Variants in CCDC146 observed in about 807,000 individuals in gnomAD.
CCDC146 encodes coiled-coil domain-containing protein 146.
A neutral mutation model predicts 119.3 loss-of-function variants in CCDC146; 92 were observed. The observed-to-expected ratio is 0.77, with a 90% CI of 0.65 to 0.92. CCDC146 has a LOEUF of 0.92. Ranked by LOEUF, CCDC146 falls within the 40% of genes least tolerant of loss-of-function variation. The pLI, the probability that CCDC146 is intolerant of heterozygous loss-of-function variation, is 0.00. For synonymous variants in CCDC146, 372 were observed against 371.8 expected (o/e 1.00, Z -0.01); for missense variants, 1,000 against 1,103.0 (o/e 0.91, Z 1.32).
At chr7:77,261,546 C>T (rs1023531583) in intron 8 of CCDC146, among the ~76,000 whole-genome samples, 5 of 152,284 alleles carry the variant, frequency 3.3e-5, no homozygotes, top group African/African-American at 9.6e-5. Flanking sequence ...GGCGCAATCT[C>T]GGCTCACTGC....
intron 2 of CCDC146, among the ~76,000 whole-genome samples, chr7:77,179,650 A>G (rs1320483569): frequency 6.6e-6 from 1 of 152,166 alleles, no homozygotes; most frequent in Non-Finnish European, 1.5e-5. Context: ...ATACTGGAGT[A>G]GTCATCTTAA....
At chr7:77,230,038 A>G (rs1792594081) in intron 2 of CCDC146, among the ~76,000 whole-genome samples, 1 of 152,246 alleles carries the variant, frequency 6.6e-6, no homozygotes. Context: ...ATATAAATGA[A>G]TAACATAATA....
chr7:77,134,573 G>C (rs531235392), intron 1 of CCDC146, among the ~76,000 whole-genome samples: 5,196 of 148,416 alleles, frequency 0.035, 310 homozygotes, highest in African/African-American at 0.13. Flanking sequence ...CTGTGTGTGT[G>C]TGTGTGTGTG....
intron 14 of CCDC146, among the ~76,000 whole-genome samples, chr7:77,281,635 T>C (rs1279416600): frequency 6.6e-6 from 1 of 152,190 alleles, no homozygotes; most frequent in Non-Finnish European, 1.5e-5. Flanking sequence ...CAAGAGAACT[T>C]GATCTTGAGC....
At chr7:77,168,296 A>G (rs1476435704) in intron 2 of CCDC146, among the ~76,000 whole-genome samples, 2 of 152,028 alleles carry the variant, frequency 1.3e-5, no homozygotes, top group Admixed American at 1.3e-4. Flanking sequence ...ATATATTCTC[A>G]TTATGTGAAC....
At chr7:77,210,010 C>T (rs1792152889) in intron 2 of CCDC146, among the ~76,000 whole-genome samples, 1 of 152,170 alleles carries the variant, frequency 6.6e-6, no homozygotes, top group Non-Finnish European at 1.5e-5. Flanking sequence ...CTGTAAAATG[C>T]CCTTGGAGAC....
intron 9 of CCDC146, 21 bp downstream of exon 9, chr7:77,262,328 T>A (rs1360849382): frequency 3.3e-6 from 5 of 1,508,888 alleles, no homozygotes; most frequent in Non-Finnish European, 4.4e-6. Flanking sequence ...TAAACTACCA[T>A]CTGATTTTTA....
At position 77,236,995 on chromosome 7, in the gene CCDC146, GC is replaced by G; in HGVS notation, c.207del (p.Lys70SerfsTer9). 6.2e-7 allele frequency: 1 copy of G among 1,614,154 alleles called. No individual in the cohort carries two copies. On this transcript the variant is annotated frameshift_variant, in exon 3 of 19. Coordinates refer to ENST00000285871, the MANE Select transcript of CCDC146 (RefSeq NM_020879.3). LOFTEE classifies it high-confidence loss of function. ...TGGAACCAGAATGGCAGCGTTAAAAGCCAAGTATACCTTGCTGCATGACGCC... is the reference window on the plus strand; with the variant it reads ...TGGAACCAGAATGGCAGCGTTAAAAGCAAGTATACCTTGCTGCATGACGCC... ...LPGTRMAALK[A>X]KYTLLHDAVM... is the part of the protein sequence containing the mutation.
intron 4 of CCDC146, among the ~76,000 whole-genome samples, chr7:77,246,741 C>G (rs1025329644): frequency 1.3e-5 from 2 of 152,106 alleles, no homozygotes; most frequent in African/African-American, 4.8e-5. Context: ...GTTACTGAAC[C>G]TCTGTAGTCA....
intron 2 of CCDC146, among the ~76,000 whole-genome samples, chr7:77,202,702 T>C (rs1792014694): frequency 6.6e-6 from 1 of 152,178 alleles, no homozygotes. Flanking sequence ...AATGAGTGTA[T>C]AACTCATGGA....
At chr7:77,183,581 G>T (rs1366045072) in intron 2 of CCDC146, among the ~76,000 whole-genome samples, 1 of 152,086 alleles carries the variant, frequency 6.6e-6, no homozygotes, top group Non-Finnish European at 1.5e-5. Flanking sequence ...CTGCACCCAG[G>T]CCAGGAGTGC....
At chr7:77,182,667 G>A (rs1021412017) in intron 2 of CCDC146, among the ~76,000 whole-genome samples, 10 of 152,072 alleles carry the variant, frequency 6.6e-5, no homozygotes, top group East Asian at 1.9e-4. Flanking sequence ...GCACGATGGT[G>A]CACGCCTGTA....
Position 77,227,909 on chromosome 7 carries a change from A to G in CCDC146, c.157-9038A>G, listed in dbSNP as rs1792545771. Among the ~76,000 whole-genome samples the G allele has an allele frequency of 2.6e-5, 4 of 152,226 alleles. No homozygotes were observed. In the South Asian group the frequency reaches 6.2e-4, roughly 24 times the overall value. On this transcript the variant is annotated intron_variant, in intron 2 of 18. Transcript: ENST00000285871. Reference sequence around the variant, plus strand: ...CCAGAGCACATCATTTTAACATCTTAGTTCTTATCCTTCTGGATCTCTATA... The same window carrying G: ...CCAGAGCACATCATTTTAACATCTTGGTTCTTATCCTTCTGGATCTCTATA...
intron 9 of CCDC146, among the ~76,000 whole-genome samples, chr7:77,271,774 C>T (rs1793527588): frequency 6.6e-6 from 1 of 151,406 alleles, no homozygotes; most frequent in Admixed American, 6.6e-5. Context: ...AGCCAGAGTT[C>T]AAAAATGAAT....
At chr7:77,159,473 C>T (rs4729186) in intron 1 of CCDC146, among the ~76,000 whole-genome samples, 60,416 of 151,272 alleles carry the variant, frequency 0.4, 12,634 homozygotes, top group African/African-American at 0.52. Context: ...AATTTCCTTT[C>T]CTGTGGCTGT....
At chr7:77,213,958 A>G (rs910873168) in intron 2 of CCDC146, among the ~76,000 whole-genome samples, 3 of 152,084 alleles carry the variant, frequency 2.0e-5, no homozygotes, top group African/African-American at 4.8e-5. Context: ...TGATAGAATG[A>G]TTTCTTTTCC....
Position 77,131,053 on chromosome 7 carries a change from G to C in CCDC146, c.-12+8321G>C, listed in dbSNP as rs150928544. ...AATACTGGCGCATGCCACCACACCTGGCCAATTTTTATAAAGACGGGGTTT... is the reference window on the plus strand; with the variant it reads ...AATACTGGCGCATGCCACCACACCTCGCCAATTTTTATAAAGACGGGGTTT... On this transcript the variant is annotated intron_variant, in intron 1 of 18. Transcript: ENST00000285871. Among the ~76,000 whole-genome samples, 654 of 151,630 alleles carry C rather than the reference G, an allele frequency of 4.3e-3. 11 individuals are homozygous for C. The highest frequency in any genetic ancestry group is 0.015 in the African/African-American group (607 of 41,196).
At chr7:77,274,868 G>A (rs920744030) in intron 11 of CCDC146, among the ~76,000 whole-genome samples, 2 of 152,056 alleles carry the variant, frequency 1.3e-5, no homozygotes, top group Non-Finnish European at 2.9e-5. Flanking sequence ...TCACACACCG[G>A]GGCCTGTTGT....
At chr7:77,197,526 C>T (rs1791897049) in intron 2 of CCDC146, among the ~76,000 whole-genome samples, 3 of 152,204 alleles carry the variant, frequency 2.0e-5, no homozygotes, top group Non-Finnish European at 4.4e-5. Context: ...TCCTAAAAAT[C>T]AGATGATTCT....
Sources: allele counts gnomAD v4.1 joint callset (sites outside exome capture counted in the v4.1 genomes callset), GRCh38; gene constraint gnomAD v4.1.1; transcripts MANE v1.5; gene names NCBI Gene and HGNC (gene_info 2026-07-23, HGNC 2026-07-21).